Variants in PTPRT observed in about 807,000 individuals in gnomAD.
The protein encoded by PTPRT is protein tyrosine phosphatase receptor type T, also known as receptor-type tyrosine-protein phosphatase T.
PTPRT carries 56 observed loss-of-function variants against 176.8 expected under a neutral mutation model. That is an observed-to-expected ratio of 0.32 (90% CI 0.26 to 0.40). The LOEUF is 0.40. Ranked by LOEUF, PTPRT falls within the 10% of genes least tolerant of loss-of-function variation. The probability of loss-of-function intolerance (pLI) is 1.00; values close to 1 mark genes in which losing one functional copy is unlikely to be tolerated. For missense variants in PTPRT, 1,540 were observed against 1,908.2 expected (o/e 0.81, Z 3.60); for synonymous variants, 783 against 739.0 (o/e 1.06, Z -0.96).
chr20:42,884,026 A>C (rs2079065866), intron 2 of PTPRT, among the ~76,000 whole-genome samples: 1 of 147,748 alleles, frequency 6.8e-6, no homozygotes, highest in Admixed American at 6.8e-5. Context: ...TTGGGCCACT[A>C]TCAAGGAGGG....
Position 42,080,757 on chromosome 20 carries a change from T to C in PTPRT, c.*122A>G. 1 of 964,664 alleles carries C rather than the reference T, an allele frequency of 1.0e-6. No individual in the cohort carries two copies. Among genetic ancestry groups the C allele is most frequent in the Non-Finnish European group, 1.6e-6 (1 of 622,554 alleles). 59.8% of individuals were successfully genotyped at this position (964,664 alleles called of 1,614,324 possible). On this transcript the variant is annotated 3_prime_UTR_variant, in exon 31 of 31. Transcript: ENST00000373187. Reference sequence around the variant, plus strand: ...CCCGTGGAACACAGGGCCACCAGTCTTCTCCTTGGAGTCAGGCAGGGTGCC... The same window carrying C: ...CCCGTGGAACACAGGGCCACCAGTCCTCTCCTTGGAGTCAGGCAGGGTGCC...
At chr20:42,767,357 G>C (rs2076997411) in intron 5 of PTPRT, among the ~76,000 whole-genome samples, 1 of 152,042 alleles carries the variant, frequency 6.6e-6, no homozygotes, top group Admixed American at 6.6e-5. Flanking sequence ...GAAAAGCAGG[G>C]GAAGAAGAGT....
At chr20:42,704,557 T>C (rs1008537416) in intron 6 of PTPRT, among the ~76,000 whole-genome samples, 3 of 152,172 alleles carry the variant, frequency 2.0e-5, no homozygotes, top group Non-Finnish European at 4.4e-5. Context: ...AATACCATTC[T>C]GGGCCTTTCT....
intron 2 of PTPRT, among the ~76,000 whole-genome samples, chr20:42,809,944 G>A (rs2077673171): frequency 1.3e-5 from 2 of 151,978 alleles, no homozygotes; most frequent in African/African-American, 4.8e-5. Context: ...AACTACACTG[G>A]GTGACTCTGT....
chr20:42,721,666 G>T (rs1364868325), intron 6 of PTPRT, among the ~76,000 whole-genome samples: 1 of 152,194 alleles, frequency 6.6e-6, no homozygotes, highest in Non-Finnish European at 1.5e-5. Flanking sequence ...TCCTGGGGCT[G>T]ACATCAGAGC....
chr20:43,185,511 C>T (rs563002461), intron 1 of PTPRT, among the ~76,000 whole-genome samples: 1 of 152,264 alleles, frequency 6.6e-6, no homozygotes, highest in Admixed American at 6.5e-5. Flanking sequence ...GTAAAATATG[C>T]CTAAAAGTCA....
intron 2 of PTPRT, among the ~76,000 whole-genome samples, chr20:42,871,999 T>C (rs2078854060): frequency 6.6e-6 from 1 of 152,246 alleles, no homozygotes; most frequent in Non-Finnish European, 1.5e-5. Context: ...ACATAACATA[T>C]TCTTGCTTGT....
chr20:42,652,019 G>A (rs552553147), intron 7 of PTPRT, among the ~76,000 whole-genome samples: 643 of 151,594 alleles, frequency 4.2e-3, no homozygotes, highest in Middle Eastern at 6.8e-3. Flanking sequence ...CTGCACTCCA[G>A]CCTGGGCAAC....
At position 42,080,935 on chromosome 20, in the gene PTPRT, GAGAGGCGGAGAGGAGC is replaced by G; in HGVS notation, c.4273-19_4273-4del. 6.3e-7 allele frequency: 1 copy of G among 1,596,688 alleles called. No individual in the cohort carries two copies. On this transcript the variant is annotated splice_polypyrimidine_tract_variant and splice_region_variant and intron_variant, in intron 30 of 30. Transcript: ENST00000373187. ...TCGTATACAAATTTATACTGTTCCT[GAGAGGCGGAGAGGAGC>G]AGAGGCAGAGAGGGAGAAGAGGAGA...
chr20:42,076,101 T>A lies in PTPRT; in HGVS notation c.*4778A>T. ...TGTATGTTTTTCATGTATGTATGTT[T>A]TCGTTCAAACTAAAGACTGAGCTCT... On this transcript the variant is annotated 3_prime_UTR_variant, in exon 31 of 31. Coordinates refer to ENST00000373187, the MANE Select transcript of PTPRT (RefSeq NM_007050.6). 1 of 209,388 alleles carries A rather than the reference T, an allele frequency of 4.8e-6. No individual in the cohort carries two copies. Among genetic ancestry groups the A allele is most frequent in the Non-Finnish European group, 9.7e-6 (1 of 102,910 alleles). The allele number at this position is 209,388 out of a possible 1,614,324, so 13.0% of individuals were successfully genotyped here. A position where few individuals can be genotyped will look rare whatever the true frequency, so the allele number is the denominator to read the frequency against.
rs920769302 is a variant in PTPRT, at chr20:43,189,871, C to A, written c.-138G>T. On this transcript the variant is annotated 5_prime_UTR_variant, in exon 1 of 31. Coordinates refer to ENST00000373187, the MANE Select transcript of PTPRT (RefSeq NM_007050.6). This position sits in a 1 kb window ranked among gnomAD's most constrained non-coding sequence, Gnocchi z 5.0. ...GCTCCGCTCGGGCTCCCGGAGCCGG[C>A]GCTCCTGCGTTCCAAGCCGAGGCGC... 3.5e-4 allele frequency: 87 copies of A among 247,698 alleles called. No homozygotes were observed. Among genetic ancestry groups the A allele is most frequent in the Middle Eastern group, 2.0e-3 (1 of 500 alleles). The allele number at this position is 247,698 out of a possible 1,614,324, so 15.3% of individuals were successfully genotyped here. A position where few individuals can be genotyped will look rare whatever the true frequency, so the allele number is the denominator to read the frequency against.
chr20:42,560,076 G>T (rs2072926952), intron 7 of PTPRT, among the ~76,000 whole-genome samples: 2 of 152,136 alleles, frequency 1.3e-5, no homozygotes, highest in Non-Finnish European at 2.9e-5. Flanking sequence ...AACAACACAG[G>T]GTTGCTGAGC....
At chr20:42,735,796 C>T (rs908484934) in intron 6 of PTPRT, among the ~76,000 whole-genome samples, 19 of 151,510 alleles carry the variant, frequency 1.3e-4, no homozygotes, top group Non-Finnish European at 2.4e-4. Flanking sequence ...GTCGCCCATA[C>T]CCTAGCATTT....
chr20:42,283,845 C>T (rs914037351), intron 12 of PTPRT, among the ~76,000 whole-genome samples: 1 of 152,098 alleles, frequency 6.6e-6, no homozygotes, highest in African/African-American at 2.4e-5. Flanking sequence ...ATGTCTACGG[C>T]AGATTCTATT....
chr20:42,230,666 GCTATTA>G (rs2056115484), intron 15 of PTPRT, among the ~76,000 whole-genome samples: 1 of 152,102 alleles, frequency 6.6e-6, no homozygotes. Context: ...GGAAGTCACC[GCTATTA>G]TCATGATTTT....
chr20:42,432,974 G>T (rs2059228627), intron 9 of PTPRT, among the ~76,000 whole-genome samples: 1 of 152,188 alleles, frequency 6.6e-6, no homozygotes, highest in Admixed American at 6.5e-5. Flanking sequence ...TACTGGCTCA[G>T]AATAAACCTT....
At chr20:42,737,341 G>A (rs2076555309) in intron 6 of PTPRT, among the ~76,000 whole-genome samples, 2 of 152,262 alleles carry the variant, frequency 1.3e-5, no homozygotes, top group Admixed American at 6.5e-5. Flanking sequence ...GAAGTTAGAA[G>A]AGGCATGGGC....
chr20:42,159,104 C>CTT (rs35657012), intron 17 of PTPRT, among the ~76,000 whole-genome samples: 2 of 140,338 alleles, frequency 1.4e-5, no homozygotes, highest in Non-Finnish European at 3.1e-5. Context: ...CTACTTGTCC[C>CTT]TTTTTTTTTT....
At chr20:42,277,688 G>T (rs2057064855) in intron 13 of PTPRT, among the ~76,000 whole-genome samples, 2 of 152,244 alleles carry the variant, frequency 1.3e-5, no homozygotes, top group South Asian at 4.2e-4. Flanking sequence ...TCCATGGTGG[G>T]TAGAGAGATC....
Sources: gnomAD v4.1 joint callset for allele counts (sites outside exome capture counted in the v4.1 genomes callset) on GRCh38, gnomAD v4.1.1 for gene constraint, Gnocchi (gnomAD v3.1) non-coding constraint, MANE v1.5 for transcripts, NCBI Gene and HGNC (gene_info 2026-07-23, HGNC 2026-07-21) for gene names.